Variants in DENND2B observed in about 807,000 individuals in gnomAD.
DENND2B encodes DENN domain-containing protein 2B.
Under a neutral mutation model 116.0 loss-of-function variants are expected in DENND2B, and 32 were observed. The observed-to-expected ratio is 0.28, with a 90% CI of 0.21 to 0.37. The LOEUF is 0.37. DENND2B is among the 10% of genes least tolerant of loss of function. The probability of loss-of-function intolerance (pLI) is 1.00; values close to 1 mark genes in which losing one functional copy is unlikely to be tolerated. For missense variants in DENND2B, 1,276 were observed against 1,477.7 expected, an observed-to-expected ratio of 0.86 and a Z score of 2.24; for synonymous variants, 588 against 583.9, an observed-to-expected ratio of 1.01 and a Z score of -0.10.
intron 1 of DENND2B, among the ~76,000 whole-genome samples, chr11:8,763,093 T>G (rs140485425): frequency 0.015 from 2,222 of 152,214 alleles, 29 homozygotes; most frequent in Middle Eastern, 0.071. Context: ...GAACAGATAC[T>G]TCACCAGAGA....
intron 2 of DENND2B, among the ~76,000 whole-genome samples, chr11:8,740,845 G>A (rs549645650): frequency 6.6e-6 from 1 of 152,332 alleles, no homozygotes; most frequent in Admixed American, 6.5e-5. Flanking sequence ...CCAATTCTGG[G>A]GATGGCATTC....
intron 1 of DENND2B, among the ~76,000 whole-genome samples, chr11:8,764,942 C>CACAAA (rs772055051): frequency 2.0e-5 from 2 of 100,290 alleles, no homozygotes; most frequent in Non-Finnish European, 1.9e-5. Flanking sequence ...GAGACTGTCT[C>CACAAA]AAAAAAAAAA....
rs1400839590 is a variant in DENND2B at position 8,730,078 on chromosome 11, A to G, written c.1212T>C (p.Ser404=). The part of the protein sequence containing the change: ...FEYEADKNPK[S]KPSNGLPPSP... ...AAGGAGGTAGACCATTACTGGGCTT[A>G]CTCTTGGGGTTCTTGTCAGCCTCGT... is the stretch of plus-strand genomic sequence containing the variant. The change falls in exon 3 of 20, where the codon AGT becomes AGC. Residue 404 remains serine (S), a synonymous_variant. Transcript: ENST00000313726. The surrounding 1 kb of genome is among the most constrained non-coding windows in gnomAD (Gnocchi z 4.1). 1 of 1,613,924 alleles carries G rather than the reference A, an allele frequency of 6.2e-7. No individual in the cohort carries two copies. Among genetic ancestry groups the G allele is most frequent in the Middle Eastern group, 1.6e-4 (1 of 6,062 alleles).
At chr11:8,786,451 G>T (rs543439454) in intron 1 of DENND2B, among the ~76,000 whole-genome samples, 1 of 152,188 alleles carries the variant, frequency 6.6e-6, no homozygotes, top group East Asian at 1.9e-4. Flanking sequence ...AAATAACTTT[G>T]TCCTTTGAGA....
chr11:8,802,572 C>T lies in DENND2B; in HGVS notation c.-26+7945G>A, dbSNP rs564234517. Reference sequence around the variant, plus strand: ...TTGAACCCAATCTGACCCCAGAGCCCAGGCTCTAAACATTACTCTCCTATT... The same window carrying T: ...TTGAACCCAATCTGACCCCAGAGCCTAGGCTCTAAACATTACTCTCCTATT... On this transcript the variant is annotated intron_variant, in intron 1 of 19. Coordinates refer to ENST00000313726, the MANE Select transcript of DENND2B (RefSeq NM_213618.2). Among the ~76,000 whole-genome samples, 6 of 152,278 alleles carry T rather than the reference C, an allele frequency of 3.9e-5. No individual in the cohort carries two copies. The East Asian group carries it at 5.8e-4, about 15-fold the overall frequency.
At chr11:8,816,727 T>C (rs1487320165) in intron 4 of DENND2B, among the ~76,000 whole-genome samples, 2 of 152,198 alleles carry the variant, frequency 1.3e-5, no homozygotes, top group African/African-American at 4.8e-5. Flanking sequence ...AGTAGACAGC[T>C]AGCAGGCTGG....
upstream of DENND2B, among the ~76,000 whole-genome samples, chr11:8,875,935 C>G (rs374471432): frequency 6.6e-6 from 1 of 151,824 alleles, no homozygotes; most frequent in African/African-American, 2.4e-5. Context: ...TTTTCAGTTT[C>G]GGTACAGTAT....
intron 1 of DENND2B, among the ~76,000 whole-genome samples, chr11:8,761,813 A>T (rs2054696710): frequency 6.6e-6 from 1 of 152,136 alleles, no homozygotes; most frequent in South Asian, 2.1e-4. Context: ...GGCTAAAGGG[A>T]CTGGGCAAAA....
chr11:8,723,955 C>T (rs766039815), intron 4 of DENND2B, among the ~76,000 whole-genome samples: 1 of 152,350 alleles, frequency 6.6e-6, no homozygotes, highest in South Asian at 2.1e-4. Flanking sequence ...GGTAAGGAAA[C>T]GGCTGTGAAA....
At chr11:8,722,190 T>A (rs1261314291) in intron 4 of DENND2B, among the ~76,000 whole-genome samples, 2 of 152,166 alleles carry the variant, frequency 1.3e-5, no homozygotes, top group Admixed American at 1.3e-4. Flanking sequence ...CCCCAGCTCC[T>A]CAGGCATCAT....
intron 3 of DENND2B, among the ~76,000 whole-genome samples, chr11:8,726,617 G>A (rs2083459610): frequency 6.6e-6 from 1 of 152,222 alleles, no homozygotes; most frequent in South Asian, 2.1e-4. Context: ...CAGGGCCTGA[G>A]CTCTTAACTA....
At chr11:8,706,814 C>A (rs1409488690) in intron 13 of DENND2B, among the ~76,000 whole-genome samples, 1 of 152,220 alleles carries the variant, frequency 6.6e-6, no homozygotes, top group African/African-American at 2.4e-5. Flanking sequence ...GGCACACATT[C>A]AGTAACTGTT....
At chr11:8,726,650 A>G (rs1798997251) in intron 3 of DENND2B, among the ~76,000 whole-genome samples, 2 of 152,336 alleles carry the variant, frequency 1.3e-5, no homozygotes, top group African/African-American at 4.8e-5. Flanking sequence ...TGAGCCCTAG[A>G]GAATATCCTC....
In DENND2B at chr11:8,730,796, C is replaced by CGGAT; in HGVS notation, c.490_493dup (p.Arg165HisfsTer36). The CGGAT allele has an allele frequency of 6.2e-7, 1 of 1,613,096 alleles. No individual in the cohort carries two copies. Among genetic ancestry groups the CGGAT allele is most frequent in the Non-Finnish European group, 8.5e-7 (1 of 1,179,974 alleles). Reference sequence around the variant, plus strand: ...ACCTTCCCATGCTGATATCTTCTCCCGGATGCCCAGGCTGTGGGCGCGGGT... The same window carrying CGGAT: ...ACCTTCCCATGCTGATATCTTCTCCCGGATGGATGCCCAGGCTGTGGGCGCGGGT... On this transcript the variant is annotated frameshift_variant, in exon 3 of 20. Transcript: ENST00000313726. LOFTEE classifies it high-confidence loss of function. The surrounding 1 kb of genome is among the most constrained non-coding windows in gnomAD (Gnocchi z 4.1).
chr11:8,828,299 G>A (rs182284250), intron 4 of DENND2B, among the ~76,000 whole-genome samples: 60 of 152,278 alleles, frequency 3.9e-4, no homozygotes, highest in Admixed American at 1.2e-3. Flanking sequence ...ACACAGAGCA[G>A]TGCACCTTCA....
intron 1 of DENND2B, among the ~76,000 whole-genome samples, chr11:8,805,198 T>G (rs2060735203): frequency 6.6e-6 from 1 of 152,222 alleles, no homozygotes; most frequent in African/African-American, 2.4e-5. Flanking sequence ...TGCAGTGCAC[T>G]GCAATGCATG....
intron 1 of DENND2B, among the ~76,000 whole-genome samples, chr11:8,883,887 C>G (rs1383671244): frequency 6.6e-6 from 1 of 152,224 alleles, no homozygotes; most frequent in Non-Finnish European, 1.5e-5. Flanking sequence ...TTTTGGCTGA[C>G]TTAAGCGATG....
chr11:8,702,016 G>A lies in DENND2B; in HGVS notation c.2720+556C>T, dbSNP rs10769942. ...CACCCACTCTCCTCTCTGCACCTCAGTGCCCCCATCACATCCTTCTCCCCA... is the reference window on the plus strand; with the variant it reads ...CACCCACTCTCCTCTCTGCACCTCAATGCCCCCATCACATCCTTCTCCCCA... On this transcript the variant is annotated intron_variant, in intron 14 of 19. Transcript: ENST00000313726. The surrounding 1 kb of genome is among the most constrained non-coding windows in gnomAD (Gnocchi z 4.6). 0.57 allele frequency among the ~76,000 whole-genome samples: 85,802 copies of A among 151,658 alleles called. 24,219 individuals are homozygous for A. Among genetic ancestry groups the A allele is most frequent in the South Asian group, 0.62 (2,967 of 4,802 alleles).
intron 1 of DENND2B, among the ~76,000 whole-genome samples, chr11:8,774,672 A>C (rs938254971): frequency 2.0e-5 from 3 of 152,150 alleles, no homozygotes; most frequent in Admixed American, 6.5e-5. Flanking sequence ...CAAGGGGCAC[A>C]GCAAGTTCCC....
Sources: allele counts gnomAD v4.1 joint callset (sites outside exome capture counted in the v4.1 genomes callset), GRCh38; gene constraint gnomAD v4.1.1; non-coding constraint Gnocchi (gnomAD v3.1); transcripts MANE v1.5; gene names NCBI Gene and HGNC (gene_info 2026-07-23, HGNC 2026-07-21).